Variants in ARHGAP31 observed in about 807,000 individuals in gnomAD.
ARHGAP31 encodes rho GTPase-activating protein 31.
In ARHGAP31, 34 loss-of-function variants were observed where a neutral mutation model predicts 113.9. The ratio of observed to expected loss-of-function variants is 0.30; its 90% CI spans 0.23 to 0.40. The LOEUF is 0.40. Ranked by LOEUF, ARHGAP31 falls within the 10% of genes least tolerant of loss-of-function variation. The pLI is 1.00. For synonymous variants in ARHGAP31, 650 were observed against 684.8 expected, an observed-to-expected ratio of 0.95 and a Z score of 0.79; for missense variants, 1,548 against 1,767.1, an observed-to-expected ratio of 0.88 and a Z score of 2.22.
At chr3:119,297,909 AACACACACACAC>A (rs10575145) in intron 1 of ARHGAP31, among the ~76,000 whole-genome samples, 12 of 142,688 alleles carry the variant, frequency 8.4e-5, no homozygotes, top group East Asian at 2.1e-4. Context: ...TTTCCTTAGA[AACACACACACAC>A]ACACACACAC....
intron 3 of ARHGAP31, 141 bp from the exon 4 acceptor site, chr3:119,380,763 A>G (rs753208541): frequency 2.7e-6 from 2 of 731,172 alleles, no homozygotes; most frequent in Non-Finnish European, 4.9e-6. Context: ...TTGTTTTCAT[A>G]GTAAAGCATG....
At chr3:119,367,889 A>G (rs2080263973) in intron 2 of ARHGAP31, among the ~76,000 whole-genome samples, 1 of 151,848 alleles carries the variant, frequency 6.6e-6, no homozygotes, top group African/African-American at 2.4e-5. Flanking sequence ...AAGATAGTCA[A>G]TTAAAGTTCT....
At chr3:119,319,702 C>T (rs930372415) in intron 1 of ARHGAP31, among the ~76,000 whole-genome samples, 3 of 152,084 alleles carry the variant, frequency 2.0e-5, no homozygotes, top group Admixed American at 2.0e-4. Context: ...GAACCATGAG[C>T]GGTTCCCCCT....
At chr3:119,383,580 T>C (rs1310055658) in intron 6 of ARHGAP31, among the ~76,000 whole-genome samples, 1 of 152,240 alleles carries the variant, frequency 6.6e-6, no homozygotes, top group African/African-American at 2.4e-5. Context: ...ATTCTTCTCA[T>C]TGACTGTTAG....
intron 1 of ARHGAP31, among the ~76,000 whole-genome samples, chr3:119,364,962 C>T (rs970665645): frequency 2.0e-5 from 3 of 151,954 alleles, no homozygotes; most frequent in South Asian, 2.1e-4. Context: ...GGCGTGGTGG[C>T]GGGTGCCTGT....
intron 1 of ARHGAP31, among the ~76,000 whole-genome samples, chr3:119,302,864 A>G (rs1176541918): frequency 6.6e-6 from 1 of 152,234 alleles, no homozygotes; most frequent in East Asian, 1.9e-4. Flanking sequence ...AGCCTAAACC[A>G]TGAAGAGTCA....
intron 3 of ARHGAP31, among the ~76,000 whole-genome samples, chr3:119,368,843 G>T (rs181110198): frequency 4.6e-5 from 7 of 152,304 alleles, no homozygotes; most frequent in Admixed American, 4.6e-4. Flanking sequence ...TCACACAGCA[G>T]AGGCAGGACA....
Position 119,409,540 on chromosome 3 carries a change from C to T in ARHGAP31, c.1690C>T (p.Pro564Ser). Residue 564 changes from proline to serine, a missense_variant, in exon 11 of 12, where the codon CCT (proline) becomes TCT (serine). Transcript: ENST00000264245. ...AGGTCTTGAGGATGCCAAGGCAGTA[C>T]CTGAAGCACCGGGGACAGTGGAATG... ...KAGLEDAKAV[P>S]EAPGTVECSK... 1 of 1,614,210 alleles carries T rather than the reference C, an allele frequency of 6.2e-7. No homozygotes were observed. The highest frequency in any genetic ancestry group is 8.5e-7 in the Non-Finnish European group (1 of 1,180,044).
intron 9 of ARHGAP31, among the ~76,000 whole-genome samples, chr3:119,400,013 T>A (rs116177831): frequency 0.047 from 7,154 of 152,340 alleles, 228 homozygotes; most frequent in Non-Finnish European, 0.067. Flanking sequence ...GGCAACAGAC[T>A]GTTAAAACTC....
chr3:119,420,142 G>A lies in ARHGAP31; in HGVS notation c.*3878G>A, dbSNP rs2080809160. The A allele has an allele frequency of 6.6e-6, 1 of 152,202 alleles. No homozygotes were observed. The highest frequency in any genetic ancestry group is 2.4e-5 in the African/African-American group (1 of 41,434). The allele number at this position is 152,202 out of a possible 1,614,324, so 9.4% of individuals were successfully genotyped here. On this transcript the variant is annotated 3_prime_UTR_variant, in exon 12 of 12. Coordinates refer to ENST00000264245, the MANE Select transcript of ARHGAP31 (RefSeq NM_020754.4). The stretch of plus-strand genomic sequence containing the variant: ...CATTCCTGCATGAAGAGATACTGGG[G>A]AGCATACAATTATTTTGTCCAGTAT...
intron 2 of ARHGAP31, among the ~76,000 whole-genome samples, chr3:119,366,995 G>C (rs779626394): frequency 1.3e-5 from 2 of 151,862 alleles, no homozygotes; most frequent in Non-Finnish European, 2.9e-5. Flanking sequence ...CCAACTACTC[G>C]GGAGGCTGAG....
intron 1 of ARHGAP31, among the ~76,000 whole-genome samples, chr3:119,310,408 G>T (rs1310425368): frequency 6.6e-6 from 1 of 152,142 alleles, no homozygotes; most frequent in Non-Finnish European, 1.5e-5. Context: ...TGGTAATATG[G>T]TGCAGACTGG....
intron 1 of ARHGAP31, among the ~76,000 whole-genome samples, chr3:119,363,723 G>T (rs1457725520): frequency 6.6e-6 from 1 of 152,212 alleles, no homozygotes; most frequent in African/African-American, 2.4e-5. Flanking sequence ...GCTTAGAATT[G>T]TGTGTAGGCA....
chr3:119,411,974 A>G (rs756556761), intron 11 of ARHGAP31, among the ~76,000 whole-genome samples: 23 of 152,346 alleles, frequency 1.5e-4, no homozygotes, highest in South Asian at 4.1e-4. Flanking sequence ...GATTAGAGCT[A>G]GGTGAGAAGG....
intron 8 of ARHGAP31, 122 bp downstream of exon 8, chr3:119,393,713 G>A: frequency 7.5e-7 from 1 of 1,327,430 alleles, no homozygotes; most frequent in South Asian, 1.3e-5. Context: ...AAATTAACTA[G>A]GGGAAGAGGA....
Position 119,416,314 on chromosome 3 carries a change from T to C in ARHGAP31, c.*50T>C. ...AAAAAAACCGTGATTCATCTGGAAG[T>C]TATTACAGGGCCAGCTTGCCATATT... is the stretch of plus-strand genomic sequence containing the variant. On this transcript the variant is annotated 3_prime_UTR_variant, in exon 12 of 12. Coordinates refer to ENST00000264245, the MANE Select transcript of ARHGAP31 (RefSeq NM_020754.4). 1 of 1,606,588 alleles carries C rather than the reference T, an allele frequency of 6.2e-7. No individual in the cohort carries two copies.
intron 1 of ARHGAP31, among the ~76,000 whole-genome samples, chr3:119,320,684 A>T (rs915406591): frequency 1.3e-5 from 2 of 152,190 alleles, no homozygotes; most frequent in Admixed American, 1.3e-4. Context: ...ATCAAGAATC[A>T]GCTGCGATCT....
At chr3:119,377,457 G>T (rs2080358794) in intron 3 of ARHGAP31, among the ~76,000 whole-genome samples, 1 of 152,218 alleles carries the variant, frequency 6.6e-6, no homozygotes, top group South Asian at 2.1e-4. Flanking sequence ...CGGGAAAACA[G>T]GGTGCCAAGA....
At chr3:119,364,306 G>A (rs907217236) in intron 1 of ARHGAP31, among the ~76,000 whole-genome samples, 2 of 151,234 alleles carry the variant, frequency 1.3e-5, no homozygotes, top group Non-Finnish European at 2.9e-5. Context: ...AATCACCTTC[G>A]ACATTCTGGC....
Sources: allele counts gnomAD v4.1 joint callset (sites outside exome capture counted in the v4.1 genomes callset), GRCh38; gene constraint gnomAD v4.1.1; transcripts MANE v1.5; gene names NCBI Gene and HGNC (gene_info 2026-07-23, HGNC 2026-07-21).